Variants in NPAS3 observed in about 807,000 individuals in gnomAD.
NPAS3 encodes the protein neuronal PAS domain protein 3.
In NPAS3, 14 loss-of-function variants were observed where a neutral mutation model predicts 73.1. The observed-to-expected ratio is 0.19, with a 90% CI of 0.13 to 0.30. The LOEUF (loss-of-function observed/expected upper bound fraction) is 0.30, where lower values mean the gene tolerates loss of function less well. Among genes scored for constraint, NPAS3 ranks in the 10% least tolerant of loss-of-function variants. The pLI is 1.00. For synonymous variants in NPAS3, 620 were observed against 541.5 expected (o/e 1.14, Z -2.01); for missense variants, 1,096 against 1,250.0 (o/e 0.88, Z 1.86).
At chr14:33,535,242 A>G (rs1471133363) in intron 4 of NPAS3, among the ~76,000 whole-genome samples, 2 of 152,202 alleles carry the variant, frequency 1.3e-5, no homozygotes, top group Non-Finnish European at 2.9e-5. Flanking sequence ...ATTTTGAAAT[A>G]TCCCTTTTCA....
intron 5 of NPAS3, among the ~76,000 whole-genome samples, chr14:33,648,733 GACAGCC>G (rs2058906230): frequency 6.6e-6 from 1 of 152,206 alleles, no homozygotes; most frequent in Non-Finnish European, 1.5e-5. Context: ...GGTATGGGAA[GACAGCC>G]TGCTCTCCTT....
Position 33,676,379 on chromosome 14 carries a change from G to A in NPAS3, c.727G>A (p.Glu243Lys), listed in dbSNP as rs1321276549. The A allele has an allele frequency of 3.8e-6, 6 of 1,562,046 alleles. 1 individual carries two copies. Among genetic ancestry groups the A allele is most frequent in the South Asian group, 2.4e-5 (2 of 82,170 alleles). Residue 243 changes from glutamate (E) to lysine (K), a missense_variant, in exon 6 of 12, where the codon GAG becomes AAG. Physicochemically the swap from Glu to Lys is moderately conservative, Grantham distance 56. Transcript: ENST00000356141. ...TTCCTCCTCTCAGTCGGAGACCCCC[G>A]AGCCAGGTGGGAATTGCAAACCCAG...
rs28612793 is a variant in NPAS3, at chr14:33,211,577, T to A, written c.141-3605T>A. Among the ~76,000 whole-genome samples, 1,007 of 152,186 alleles carry A rather than the reference T, an allele frequency of 6.6e-3. 12 individuals carry two copies. The highest frequency in any genetic ancestry group is 0.023 in the African/African-American group (972 of 41,538). ...TCAAAAAATCCCAAAATGACAGACA[T>A]TAGATTATTAGCCTTTAGGTTGGTG... On this transcript the variant is annotated intron_variant, in intron 2 of 11. Coordinates refer to ENST00000356141, the Ensembl canonical transcript of NPAS3.
intron 5 of NPAS3, among the ~76,000 whole-genome samples, chr14:33,583,610 G>A (rs2056760645): frequency 6.6e-6 from 1 of 152,146 alleles, no homozygotes; most frequent in South Asian, 2.1e-4. Flanking sequence ...TTCCATAGCA[G>A]AGAAACAAAT....
chr14:33,134,777 C>T lies in NPAS3; in HGVS notation c.140+78783C>T, dbSNP rs372054352. On this transcript the variant is annotated intron_variant, in intron 2 of 11. Coordinates refer to ENST00000356141, the Ensembl canonical transcript of NPAS3. ...AAATTAGTGATTTCTGTACCTAATA[C>T]CCTATTACTGCATTTACCTGTTAGA... 8.5e-5 allele frequency among the ~76,000 whole-genome samples: 13 copies of T among 152,224 alleles called. No homozygotes were observed. The South Asian group carries it at 1.0e-3, about 12-fold the overall frequency.
At chr14:33,273,320 C>A in intron 3 of NPAS3, among the ~76,000 whole-genome samples, 1 of 152,182 alleles carries the variant, frequency 6.6e-6, no homozygotes, top group Non-Finnish European at 1.5e-5. Context: ...CCTCTCTCAA[C>A]CTTTCTCTGT....
At chr14:33,121,240 ATAT>A (rs964211058) in intron 2 of NPAS3, among the ~76,000 whole-genome samples, 1 of 152,058 alleles carries the variant, frequency 6.6e-6, no homozygotes, top group Non-Finnish European at 1.5e-5. Flanking sequence ...TCTTCTGGGA[ATAT>A]CCTTTTATTT....
At chr14:33,192,790 G>A (rs774810700) in intron 2 of NPAS3, among the ~76,000 whole-genome samples, 2 of 152,130 alleles carry the variant, frequency 1.3e-5, no homozygotes, top group East Asian at 1.9e-4. Context: ...TTGCACTGTC[G>A]AGACGTAGAC....
chr14:33,676,356 C>T, exon 6 of NPAS3: 1 of 1,592,630 alleles, frequency 6.3e-7, no homozygotes, highest in Middle Eastern at 1.7e-4. Flanking sequence ...TCAGCATCTT[C>T]CTCCTCTCAG....
At chr14:33,117,342 C>T (rs1221798822) in intron 2 of NPAS3, among the ~76,000 whole-genome samples, 1 of 152,030 alleles carries the variant, frequency 6.6e-6, no homozygotes, top group Non-Finnish European at 1.5e-5. Flanking sequence ...ATAGACTTAC[C>T]TGAAACTGAC....
chr14:33,480,623 C>T (rs2051282354), intron 4 of NPAS3, among the ~76,000 whole-genome samples: 2 of 140,272 alleles, frequency 1.4e-5, no homozygotes, highest in Non-Finnish European at 3.1e-5. Context: ...TCTAAATGTA[C>T]ACCTTACAAA....
intron 3 of NPAS3, among the ~76,000 whole-genome samples, chr14:33,272,917 G>C (rs555124893): frequency 6.6e-6 from 1 of 152,314 alleles, no homozygotes; most frequent in South Asian, 2.1e-4. Context: ...AATTATGTCA[G>C]CTAAACTGTT....
intron 4 of NPAS3, among the ~76,000 whole-genome samples, chr14:33,538,382 G>A (rs2054352468): frequency 6.6e-6 from 1 of 152,172 alleles, no homozygotes; most frequent in Non-Finnish European, 1.5e-5. Context: ...GCTCTGTTGT[G>A]CTGTTAGCAC....
In NPAS3 at chr14:33,426,447, G is replaced by A. The variant is rs569539057; in HGVS notation, c.468+59179G>A. The stretch of plus-strand genomic sequence containing the variant: ...TAGATGAGATCATGGACCTCCCTGC[G>A]TTGGTAAACCTGAGTTCGGAGTGGA... On this transcript the variant is annotated intron_variant, in intron 4 of 11. Transcript: ENST00000356141. Among the ~76,000 whole-genome samples, 9 of 152,162 alleles carry A rather than the reference G, an allele frequency of 5.9e-5. 1 individual carries two copies. The highest frequency in any genetic ancestry group is 1.9e-4 in the East Asian group (1 of 5,160).
chr14:33,677,966 C>G (rs1034131553), intron 6 of NPAS3, among the ~76,000 whole-genome samples: 1 of 152,150 alleles, frequency 6.6e-6, no homozygotes, highest in Admixed American at 6.5e-5. Context: ...CGGTTTTCTA[C>G]TCTTTCATCC....
intron 3 of NPAS3, among the ~76,000 whole-genome samples, chr14:33,240,835 A>C (rs1188254546): frequency 6.6e-6 from 1 of 151,918 alleles, no homozygotes; most frequent in East Asian, 1.9e-4. Context: ...CTGCCATTTT[A>C]AAAGTTTTTT....
At chr14:33,766,049 TTAAAG>T (rs1256693864) in intron 7 of NPAS3, among the ~76,000 whole-genome samples, 1 of 152,196 alleles carries the variant, frequency 6.6e-6, no homozygotes, top group African/African-American at 2.4e-5. Flanking sequence ...AGCTTTCCAA[TTAAAG>T]TAAAGAACAA....
intron 3 of NPAS3, among the ~76,000 whole-genome samples, chr14:33,257,099 A>G (rs1454595452): frequency 1.3e-5 from 2 of 152,156 alleles, no homozygotes; most frequent in Admixed American, 1.3e-4. Context: ...CCACTCCCAG[A>G]CATGATTGTT....
At chr14:33,655,073 A>G (rs1424531335) in intron 5 of NPAS3, among the ~76,000 whole-genome samples, 1 of 152,222 alleles carries the variant, frequency 6.6e-6, no homozygotes, top group East Asian at 1.9e-4. Context: ...TGAGGAAGAT[A>G]AAGTTCAAAG....
Sources: gnomAD v4.1 joint callset for allele counts (sites outside exome capture counted in the v4.1 genomes callset) on GRCh38, gnomAD v4.1.1 for gene constraint, MANE v1.5 for transcripts, NCBI Gene and HGNC (gene_info 2026-07-23, HGNC 2026-07-21) for gene names.